The following PCDH15 variants were observed in gnomAD, a reference collection of about 807,000 sequenced individuals.
PCDH15 encodes protocadherin related 15, also known as protocadherin-15.
In PCDH15, 129 loss-of-function variants were observed where a neutral mutation model predicts 178.5. The observed-to-expected ratio is 0.72, with a 90% CI of 0.63 to 0.84. PCDH15 has a LOEUF of 0.84. Among genes scored for constraint, PCDH15 ranks in the 40% least tolerant of loss-of-function variants. PCDH15 has a pLI of 0.00. For missense variants in PCDH15, 2,230 were observed against 2,099.9 expected (o/e 1.06, Z -1.21); for synonymous variants, 800 against 732.0 (o/e 1.09, Z -1.50).
chr10:54,627,787 T>C (rs1017410940), intron 2 of PCDH15, among the ~76,000 whole-genome samples: 24 of 152,314 alleles, frequency 1.6e-4, no homozygotes, highest in African/African-American at 1.9e-4. Context: ...CTAGAATTTG[T>C]TCAAGTCTCT....
intron 2 of PCDH15, among the ~76,000 whole-genome samples, chr10:55,135,073 T>C (rs1036311866): frequency 1.7e-4 from 26 of 152,210 alleles, no homozygotes; most frequent in African/African-American, 5.8e-4. Context: ...TTGTTATTTT[T>C]GATAATTTGA....
At chr10:53,999,930 G>T (rs541441287) in intron 20 of PCDH15, among the ~76,000 whole-genome samples, 1 of 152,288 alleles carries the variant, frequency 6.6e-6, no homozygotes, top group African/African-American at 2.4e-5. Flanking sequence ...CTGACCCACT[G>T]CAGTCCCAGC....
intron 2 of PCDH15, among the ~76,000 whole-genome samples, chr10:54,635,538 T>C (rs1411726367): frequency 6.6e-6 from 1 of 151,906 alleles, no homozygotes; most frequent in East Asian, 1.9e-4. Context: ...CTCTAAGTTG[T>C]TAATCACATA....
chr10:55,258,580 G>T (rs946987687), intron 1 of PCDH15, among the ~76,000 whole-genome samples: 25 of 152,076 alleles, frequency 1.6e-4, no homozygotes, highest in African/African-American at 6.0e-4. Flanking sequence ...AATTGAGGTT[G>T]CTGCAGACCC....
intron 2 of PCDH15, among the ~76,000 whole-genome samples, chr10:55,623,094 G>A (rs1258656627): frequency 1.3e-5 from 2 of 151,966 alleles, no homozygotes; most frequent in Non-Finnish European, 2.9e-5. Flanking sequence ...GCTAGTCCCT[G>A]GATTCCACCT....
intron 18 of PCDH15, among the ~76,000 whole-genome samples, chr10:54,035,910 A>G (rs2135465818): frequency 6.6e-6 from 1 of 152,058 alleles, no homozygotes; most frequent in African/African-American, 2.4e-5. Context: ...AGGAAAGTAA[A>G]ACAACCTGAT....
rs2891521 is a variant in PCDH15, at chr10:54,447,383, C to A, written c.158-68441G>T. The stretch of plus-strand genomic sequence containing the variant: ...TTTTGTGTCTTTTGACCAACATCTC[C>A]GCAATTTCCCCCATGCCCTAGCTTC... On this transcript the variant is annotated intron_variant, in intron 3 of 37. Coordinates refer to ENST00000644397, the MANE Select transcript of PCDH15 (RefSeq NM_001384140.1). Among the ~76,000 whole-genome samples, 3 of 151,304 alleles carry A rather than the reference C, an allele frequency of 2.0e-5. No homozygotes were observed. The South Asian group carries it at 6.2e-4, about 31-fold the overall frequency.
chr10:53,939,659 C>A (rs1013919955), intron 24 of PCDH15, among the ~76,000 whole-genome samples: 2 of 151,972 alleles, frequency 1.3e-5, no homozygotes, highest in East Asian at 1.9e-4. Context: ...GGACCATTAA[C>A]TTCCATGAGG....
intron 3 of PCDH15, among the ~76,000 whole-genome samples, chr10:54,452,671 A>C (rs931378218): frequency 6.6e-6 from 1 of 151,980 alleles, no homozygotes; most frequent in Non-Finnish European, 1.5e-5. Context: ...GAATCCTTCA[A>C]ACACTTCTTG....
At chr10:53,808,368 TAGAC>T (rs1312637883) in intron 37 of PCDH15, 61 of 925,016 alleles carry the variant, frequency 6.6e-5, no homozygotes, top group Non-Finnish European at 7.3e-5. Flanking sequence ...TCCATTCCAA[TAGAC>T]AGAGTGTCAC....
intron 1 of PCDH15, among the ~76,000 whole-genome samples, chr10:55,240,253 T>C (rs919229405): frequency 3.3e-5 from 5 of 152,196 alleles, no homozygotes; most frequent in African/African-American, 9.7e-5. Flanking sequence ...ATTTAGTCAA[T>C]ATTACAAATT....
intron 8 of PCDH15, among the ~76,000 whole-genome samples, chr10:54,283,880 ACT>A (rs1177397991): frequency 6.6e-6 from 1 of 152,134 alleles, no homozygotes. Flanking sequence ...ACAGGGTCTC[ACT>A]CTTTCACCTG....
intron 1 of PCDH15, among the ~76,000 whole-genome samples, chr10:55,276,140 T>G (rs1467684913): frequency 2.0e-5 from 3 of 149,200 alleles, no homozygotes; most frequent in Non-Finnish European, 4.5e-5. Flanking sequence ...TGTCTATGTG[T>G]TTTTTTTTAG....
At chr10:55,520,781 C>T (rs914235170) in intron 2 of PCDH15, among the ~76,000 whole-genome samples, 9 of 151,728 alleles carry the variant, frequency 5.9e-5, no homozygotes, top group Admixed American at 2.0e-4. Flanking sequence ...TCTGATTACT[C>T]TTCTGTATTC....
chr10:54,290,013 C>T (rs1417154223), intron 8 of PCDH15, among the ~76,000 whole-genome samples: 1 of 152,144 alleles, frequency 6.6e-6, no homozygotes, highest in Non-Finnish European at 1.5e-5. Flanking sequence ...ACTAGCAATG[C>T]AGGCCAACAT....
rs1055095870 is a variant in PCDH15 at position 53,829,866 on chromosome 10, T to C, written c.4203-1293A>G. 2.0e-5 allele frequency among the ~76,000 whole-genome samples: 3 copies of C among 152,354 alleles called. No homozygotes were observed. The East Asian group carries it at 5.8e-4, about 29-fold the overall frequency. On this transcript the variant is annotated intron_variant, in intron 30 of 37. Coordinates refer to ENST00000644397, the MANE Select transcript of PCDH15 (RefSeq NM_001384140.1). ...TGTGTAACGAATTCATGATACTTTTTTTCATATTTGCTTTTTAGTTTCCAT... is the reference window on the plus strand; with the variant it reads ...TGTGTAACGAATTCATGATACTTTTCTTCATATTTGCTTTTTAGTTTCCAT...
At chr10:54,773,717 T>C (rs1949354924) in intron 1 of PCDH15, among the ~76,000 whole-genome samples, 1 of 152,192 alleles carries the variant, frequency 6.6e-6, no homozygotes, top group Admixed American at 6.5e-5. Context: ...CCTGCCCTTT[T>C]CACCCCTGAC....
chr10:53,962,018 T>C, intron 21 of PCDH15, 126 bp from the exon 22 acceptor site: 2 of 781,070 alleles, frequency 2.6e-6, no homozygotes, highest in Non-Finnish European at 4.1e-6. Context: ...CATATTTTCA[T>C]TCTTTCAGAG....
At chr10:54,826,203 C>T (rs1243893655) in intron 3 of PCDH15, among the ~76,000 whole-genome samples, 1 of 151,684 alleles carries the variant, frequency 6.6e-6, no homozygotes, top group Admixed American at 6.6e-5. Context: ...GCCTAATTTT[C>T]TTATGAGGGA....
Sources: gnomAD v4.1 joint callset for allele counts (sites outside exome capture counted in the v4.1 genomes callset) on GRCh38, gnomAD v4.1.1 for gene constraint, MANE v1.5 for transcripts, NCBI Gene and HGNC (gene_info 2026-07-23, HGNC 2026-07-21) for gene names.